The following THADA variants were observed in gnomAD, a reference collection of about 807,000 sequenced individuals.
THADA encodes tRNA (32-2'-O)-methyltransferase regulator THADA.
A neutral mutation model predicts 219.8 loss-of-function variants in THADA; 213 were observed. The ratio of observed to expected loss-of-function variants is 0.97; its 90% confidence interval spans 0.87 to 1.09. The LOEUF is 1.09. THADA is among the 50% of genes least tolerant of loss of function. The pLI is 0.00. For missense variants in THADA, 2,956 were observed against 2,311.3 expected, an observed-to-expected ratio of 1.28 and a Z score of -5.72; for synonymous variants, 1,018 against 828.9, an observed-to-expected ratio of 1.23 and a Z score of -3.92.
At chr2:43,547,189 G>T (rs1393082914) in intron 20 of THADA, among the ~76,000 whole-genome samples, 1 of 152,168 alleles carries the variant, frequency 6.6e-6, no homozygotes, top group East Asian at 1.9e-4. Context: ...TAAGAATGTT[G>T]AATATTGGCC....
At chr2:43,425,446 A>ATGTGTGTGAG (rs1553437838) in intron 28 of THADA, among the ~76,000 whole-genome samples, 5 of 140,410 alleles carry the variant, frequency 3.6e-5, no homozygotes, top group African/African-American at 1.4e-4. Flanking sequence ...TTAAAATTGT[A>ATGTGTGTGAG]TGTGTGTGTG....
chr2:43,383,224 T>C lies in THADA; in HGVS notation c.4227+14747A>G, dbSNP rs76435457. 1.1e-3 allele frequency among the ~76,000 whole-genome samples: 170 copies of C among 152,298 alleles called. 2 individuals are homozygous for C. In the East Asian group the frequency reaches 0.02, roughly 18 times the overall value. On this transcript the variant is annotated intron_variant, in intron 29 of 37. Coordinates refer to ENST00000405975, the MANE Select transcript of THADA (RefSeq NM_022065.5). ...ACAGAGATGATTGACAGTATCAAAA[T>C]TGGTTGTTGGAAAAGCGAATCAAAC...
chr2:43,324,586 T>G (rs1679109581), intron 30 of THADA, among the ~76,000 whole-genome samples: 1 of 152,238 alleles, frequency 6.6e-6, no homozygotes, highest in Non-Finnish European at 1.5e-5. Context: ...GTCACAGAGT[T>G]GGGCTTCACT....
Position 43,280,658 on chromosome 2 carries a change from AAAC to A in THADA, c.5165-765_5165-763del, listed in dbSNP as rs372603872. ...CTCCCGACCAAAAAAACAAAAAACA[AAAC>A]AACAACAACAACAAAAAAAAGAGAC... On this transcript the variant is annotated intron_variant, in intron 35 of 37. Transcript: ENST00000405975. 7.9e-5 allele frequency among the ~76,000 whole-genome samples: 12 copies of A among 152,102 alleles called. 1 individual carries two copies. The East Asian group carries it at 1.9e-3, about 25-fold the overall frequency.
intron 36 of THADA, among the ~76,000 whole-genome samples, chr2:43,248,890 G>A (rs1046232850): frequency 2.0e-5 from 3 of 152,156 alleles, no homozygotes; most frequent in African/African-American, 7.2e-5. Context: ...GAACTCTGAG[G>A]CGCCCTCCTC....
chr2:43,247,471 G>A (rs1490221359), intron 36 of THADA, among the ~76,000 whole-genome samples: 2 of 152,156 alleles, frequency 1.3e-5, no homozygotes, highest in Non-Finnish European at 2.9e-5. Flanking sequence ...GCCGGGTGAG[G>A]TGGCTCATGC....
chr2:43,344,067 T>C, intron 30 of THADA, 55 bp downstream of exon 30: 1 of 1,298,094 alleles, frequency 7.7e-7, no homozygotes, highest in Middle Eastern at 1.8e-4. Flanking sequence ...ACAGCAATTC[T>C]CAAATGTATT....
At chr2:43,576,902 G>A in intron 10 of THADA, 120 bp downstream of exon 10, 2 of 826,920 alleles carry the variant, frequency 2.4e-6, no homozygotes, top group Non-Finnish European at 3.9e-6. Flanking sequence ...TGATCCTCTT[G>A]CCTCAGCCTA....
chr2:43,458,030 TAAATAGA>T (rs1683221322), intron 26 of THADA, among the ~76,000 whole-genome samples: 1 of 151,990 alleles, frequency 6.6e-6, no homozygotes, highest in South Asian at 2.1e-4. Flanking sequence ...AACACAACCA[TAAATAGA>T]ATGGCCAAGG....
chr2:43,510,863 C>T (rs866020945), intron 22 of THADA, among the ~76,000 whole-genome samples: 4 of 151,194 alleles, frequency 2.6e-5, no homozygotes, highest in South Asian at 4.2e-4. Context: ...CCCAGCTACT[C>T]GGGAGGCTGA....
At chr2:43,237,979 C>G (rs540513483) in intron 36 of THADA, among the ~76,000 whole-genome samples, 5 of 151,056 alleles carry the variant, frequency 3.3e-5, no homozygotes, top group African/African-American at 1.2e-4. Context: ...ATTAGCCAGG[C>G]GTGGTGGTGG....
At chr2:43,517,896 C>T (rs750158165) in intron 22 of THADA, among the ~76,000 whole-genome samples, 1 of 152,186 alleles carries the variant, frequency 6.6e-6, no homozygotes, top group Non-Finnish European at 1.5e-5. Context: ...CTTTATCTTA[C>T]ACCATTCTGT....
intron 7 of THADA, 101 bp downstream of exon 7, chr2:43,586,300 G>A (rs1223245517): frequency 2.1e-6 from 2 of 958,860 alleles, no homozygotes; most frequent in African/African-American, 1.7e-5. Flanking sequence ...TAATGAAAAG[G>A]GATGAAAAGA....
chr2:43,341,521 C>T (rs1460538798), intron 30 of THADA, among the ~76,000 whole-genome samples: 1 of 152,160 alleles, frequency 6.6e-6, no homozygotes, highest in Non-Finnish European at 1.5e-5. Flanking sequence ...AAGGTCCACT[C>T]AATGGCTGGC....
At chr2:43,328,174 G>T (rs1679547426) in intron 30 of THADA, among the ~76,000 whole-genome samples, 1 of 152,106 alleles carries the variant, frequency 6.6e-6, no homozygotes, top group South Asian at 2.1e-4. Flanking sequence ...AACAATAGGG[G>T]ACTTGTTTAA....
At position 43,574,322 on chromosome 2, in the gene THADA, T is replaced by C. The variant is rs757658569; in HGVS notation, c.1729+14A>G. 4 of 1,505,758 alleles carry C rather than the reference T, an allele frequency of 2.7e-6. No homozygotes were observed. Among genetic ancestry groups the C allele is most frequent in the South Asian group, 1.4e-5 (1 of 73,546 alleles). The allele number at this position is 1,505,758 out of a possible 1,614,324, so 93.3% of individuals were successfully genotyped here. On this transcript the variant is annotated intron_variant, in intron 11 of 37. Coordinates refer to ENST00000405975, the MANE Select transcript of THADA (RefSeq NM_022065.5). Reference sequence around the variant, plus strand: ...TAATTAGAAACTACTAAAACAAAAATGCATTTTTCTTACCAGTTTTAGCAT... The same window carrying C: ...TAATTAGAAACTACTAAAACAAAAACGCATTTTTCTTACCAGTTTTAGCAT...
intron 30 of THADA, among the ~76,000 whole-genome samples, chr2:43,322,266 G>A (rs1678803272): frequency 6.6e-6 from 1 of 152,078 alleles, no homozygotes; most frequent in Non-Finnish European, 1.5e-5. Flanking sequence ...CACTTTGGGA[G>A]GCTGAGGTGG....
chr2:43,580,182 G>T (rs1409182379), intron 8 of THADA, among the ~76,000 whole-genome samples: 3 of 142,846 alleles, frequency 2.1e-5, no homozygotes, highest in Non-Finnish European at 4.6e-5. Flanking sequence ...ACGCCACCAC[G>T]CCCAGCTAAT....
intron 36 of THADA, among the ~76,000 whole-genome samples, chr2:43,245,636 G>A (rs985408654): frequency 6.6e-6 from 1 of 152,268 alleles, no homozygotes; most frequent in African/African-American, 2.4e-5. Flanking sequence ...TCAGGTGGGA[G>A]AGAGGAAAAG....
Sources: gnomAD v4.1 joint callset for allele counts (sites outside exome capture counted in the v4.1 genomes callset) on GRCh38, gnomAD v4.1.1 for gene constraint, MANE v1.5 for transcripts, NCBI Gene and HGNC (gene_info 2026-07-23, HGNC 2026-07-21) for gene names.